KCNIP4: variants seen among roughly 807,000 people sequenced by gnomAD.
KCNIP4 encodes the protein potassium voltage-gated channel interacting protein 4.
Under a neutral mutation model 34.0 loss-of-function variants are expected in KCNIP4, and 12 were observed. That is an observed-to-expected ratio of 0.35 (90% CI 0.23 to 0.57). The LOEUF is 0.57. Among genes scored for constraint, KCNIP4 ranks in the 20% least tolerant of loss-of-function variants. The pLI, the probability that KCNIP4 is intolerant of heterozygous loss-of-function variation, is 0.83. For missense variants in KCNIP4, 238 were observed against 311.7 expected (o/e 0.76, Z 1.78); for synonymous variants, 124 against 102.2 (o/e 1.21, Z -1.29).
chr4:21,574,657 A>T (rs1291831829), intron 1 of KCNIP4, among the ~76,000 whole-genome samples: 1 of 152,166 alleles, frequency 6.6e-6, no homozygotes, highest in African/African-American at 2.4e-5. Context: ...GTGAACCCTC[A>T]AATTGAGAGT....
At chr4:21,672,192 TGATGGGTGCAG>T (rs1749552962) in intron 1 of KCNIP4, among the ~76,000 whole-genome samples, 1 of 152,164 alleles carries the variant, frequency 6.6e-6, no homozygotes, top group Non-Finnish European at 1.5e-5. Context: ...GATGATGGGT[TGATGGGTGCAG>T]CAAACCACCA....
chr4:20,998,197 A>G (rs185221443), intron 1 of KCNIP4, among the ~76,000 whole-genome samples: 236 of 152,244 alleles, frequency 1.6e-3, no homozygotes, highest in Admixed American at 0.015. Flanking sequence ...CAGGATTAGT[A>G]AGTGAGATGT....
intron 1 of KCNIP4, among the ~76,000 whole-genome samples, chr4:21,271,645 G>A (rs961079816): frequency 4.6e-5 from 7 of 152,088 alleles, no homozygotes; most frequent in Admixed American, 1.3e-4. Context: ...AGAGGTCTTG[G>A]CTTCATAATC....
intron 1 of KCNIP4, among the ~76,000 whole-genome samples, chr4:21,500,402 C>A (rs545963042): frequency 2.6e-5 from 4 of 152,022 alleles, no homozygotes; most frequent in Non-Finnish European, 5.9e-5. Flanking sequence ...TGACCTTTAG[C>A]AACTTCATCA....
At chr4:20,730,538 T>C (rs762333230) in intron 8 of KCNIP4, among the ~76,000 whole-genome samples, 8 of 151,898 alleles carry the variant, frequency 5.3e-5, no homozygotes, top group Non-Finnish European at 8.8e-5. Context: ...AATTTGTGTG[T>C]ATGAGCCAGC....
intron 1 of KCNIP4, among the ~76,000 whole-genome samples, chr4:21,512,748 C>T (rs1734441251): frequency 6.6e-6 from 1 of 152,132 alleles, no homozygotes; most frequent in Non-Finnish European, 1.5e-5. Flanking sequence ...GCTGAAGTTC[C>T]CGCAGCATTT....
At chr4:21,190,356 A>G (rs960718439) in intron 1 of KCNIP4, among the ~76,000 whole-genome samples, 3 of 152,122 alleles carry the variant, frequency 2.0e-5, no homozygotes, top group African/African-American at 7.2e-5. Flanking sequence ...ATTCATTAGT[A>G]TTGGTTCGTT....
chr4:21,058,287 G>T (rs1282031197), intron 1 of KCNIP4, among the ~76,000 whole-genome samples: 2 of 152,048 alleles, frequency 1.3e-5, no homozygotes, highest in Admixed American at 6.6e-5. Flanking sequence ...AAGAAGAGAT[G>T]CAGTAGAACA....
At chr4:20,732,341 G>A (rs1022209243) in intron 7 of KCNIP4, among the ~76,000 whole-genome samples, 1 of 152,128 alleles carries the variant, frequency 6.6e-6, no homozygotes, top group Admixed American at 6.6e-5. Flanking sequence ...CAGAGCTTGC[G>A]CAATTTGCTG....
rs559354384 is a variant in KCNIP4 at position 21,752,885 on chromosome 4, C to T, written c.61+195686G>A. ...CTGAGAAAAGAAATTTTTCATTGAGCTATCACATGCACAGTTATTTTTATT... is the reference window on the plus strand; with the variant it reads ...CTGAGAAAAGAAATTTTTCATTGAGTTATCACATGCACAGTTATTTTTATT... On this transcript the variant is annotated intron_variant, in intron 1 of 8. Coordinates refer to ENST00000382152, the MANE Select transcript of KCNIP4 (RefSeq NM_025221.6). 3.3e-5 allele frequency among the ~76,000 whole-genome samples: 5 copies of T among 152,270 alleles called. No homozygotes were observed. In the South Asian group the frequency reaches 1.0e-3, roughly 32 times the overall value.
intron 3 of KCNIP4, among the ~76,000 whole-genome samples, chr4:20,810,218 A>G (rs1406472853): frequency 6.6e-6 from 1 of 152,180 alleles, no homozygotes; most frequent in African/African-American, 2.4e-5. Context: ...GTTCACACTG[A>G]AAGTCATTTT....
At chr4:21,112,025 G>GTATCTATCTATCTATCTATC (rs34396290) in intron 1 of KCNIP4, among the ~76,000 whole-genome samples, 4 of 114,730 alleles carry the variant, frequency 3.5e-5, no homozygotes, top group East Asian at 2.3e-4. Flanking sequence ...TCCTTTCTCT[G>GTATCTATCTATCTATCTATC]TATCTATCTA....
At chr4:21,135,538 T>C (rs1751436620) in intron 1 of KCNIP4, among the ~76,000 whole-genome samples, 1 of 152,198 alleles carries the variant, frequency 6.6e-6, no homozygotes, top group African/African-American at 2.4e-5. Context: ...GCAGGAAAAT[T>C]GGCAAGTCCT....
At chr4:21,461,161 G>T (rs939054264) in intron 1 of KCNIP4, among the ~76,000 whole-genome samples, 1 of 151,946 alleles carries the variant, frequency 6.6e-6, no homozygotes, top group African/African-American at 2.4e-5. Context: ...CTAGTGCTGT[G>T]TCCTGAGTTC....
At position 21,197,376 on chromosome 4, in the gene KCNIP4, C is replaced by T. The variant is rs185852079; in HGVS notation, c.62-314667G>A. On this transcript the variant is annotated intron_variant, in intron 1 of 8. Coordinates refer to ENST00000382152, the MANE Select transcript of KCNIP4 (RefSeq NM_025221.6). The stretch of plus-strand genomic sequence containing the variant: ...TTATAACTTTTTGCCAAGCTGTATC[C>T]ATGCCTTCATCATGTAAGATTTATT... Among the ~76,000 whole-genome samples the T allele has an allele frequency of 6.3e-3, 959 of 152,246 alleles. 11 individuals are homozygous for T. The highest frequency in any genetic ancestry group is 8.4e-3 in the Non-Finnish European group (570 of 68,010).
rs564236967 is a variant in KCNIP4, at chr4:21,050,840, T to C, written c.62-168131A>G. ...GAAGCATGCATCCAATTAAGAAGAATGTTATTGAATGATTTTCATTCACTG... is the reference window on the plus strand; with the variant it reads ...GAAGCATGCATCCAATTAAGAAGAACGTTATTGAATGATTTTCATTCACTG... On this transcript the variant is annotated intron_variant, in intron 1 of 8. Coordinates refer to ENST00000382152, the MANE Select transcript of KCNIP4 (RefSeq NM_025221.6). Among the ~76,000 whole-genome samples, 8 of 152,326 alleles carry C rather than the reference T, an allele frequency of 5.3e-5. No individual in the cohort carries two copies. The South Asian group carries it at 1.0e-3, about 20-fold the overall frequency.
intron 1 of KCNIP4, among the ~76,000 whole-genome samples, chr4:21,284,446 T>A (rs1250621670): frequency 6.6e-6 from 1 of 152,116 alleles, no homozygotes; most frequent in African/African-American, 2.4e-5. Context: ...TGAGACACAA[T>A]GAAGTTAAAT....
chr4:21,785,131 C>T (rs1719816171), intron 1 of KCNIP4, among the ~76,000 whole-genome samples: 1 of 152,154 alleles, frequency 6.6e-6, no homozygotes, highest in African/African-American at 2.4e-5. Context: ...ATCAGAATCA[C>T]TCAGACCTCA....
chr4:20,955,332 C>A lies in KCNIP4; in HGVS notation c.62-72623G>T, dbSNP rs143884959. Among the ~76,000 whole-genome samples, 37 of 152,222 alleles carry A rather than the reference C, an allele frequency of 2.4e-4. No individual in the cohort carries two copies. In the East Asian group the frequency reaches 6.2e-3, roughly 25 times the overall value. ...AACAGCTATTAATATGAAGTCTTCCCAGAACAGAGTACAGTGGGTCTCTAC... is the reference window on the plus strand; with the variant it reads ...AACAGCTATTAATATGAAGTCTTCCAAGAACAGAGTACAGTGGGTCTCTAC... On this transcript the variant is annotated intron_variant, in intron 1 of 8. Coordinates refer to ENST00000382152, the MANE Select transcript of KCNIP4 (RefSeq NM_025221.6).
Sources: allele counts gnomAD v4.1 joint callset (sites outside exome capture counted in the v4.1 genomes callset), GRCh38; gene constraint gnomAD v4.1.1; transcripts MANE v1.5; gene names NCBI Gene and HGNC (gene_info 2026-07-23, HGNC 2026-07-21).